Variants in CNTN6 observed in about 807,000 individuals in gnomAD.
The protein encoded by CNTN6 is contactin 6.
Under a neutral mutation model 122.8 loss-of-function variants are expected in CNTN6, and 137 were observed. The ratio of observed to expected loss-of-function variants is 1.12; its 90% CI spans 0.97 to 1.29. The LOEUF (loss-of-function observed/expected upper bound fraction) is 1.29. Ranked by LOEUF, CNTN6 falls within the 50% of genes most tolerant of loss-of-function variation. CNTN6 has a pLI of 0.00. For missense variants in CNTN6, 1,634 were observed against 1,223.4 expected, an observed-to-expected ratio of 1.34 and a Z score of -5.01; for synonymous variants, 570 against 426.0, an observed-to-expected ratio of 1.34 and a Z score of -4.16.
intron 2 of CNTN6, among the ~76,000 whole-genome samples, chr3:1,203,247 C>G (rs915537094): frequency 6.6e-6 from 1 of 152,090 alleles, no homozygotes; most frequent in African/African-American, 2.4e-5. Context: ...ACAAAAATAC[C>G]TGCCCCCATC....
chr3:1,312,518 C>T (rs939659193), intron 7 of CNTN6, among the ~76,000 whole-genome samples: 1 of 151,716 alleles, frequency 6.6e-6, no homozygotes, highest in African/African-American at 2.4e-5. Context: ...TTCCAGCTGA[C>T]CTTGGAGCCC....
At chr3:1,386,261 G>T (rs185354746) in intron 20 of CNTN6, among the ~76,000 whole-genome samples, 1 of 152,128 alleles carries the variant, frequency 6.6e-6, no homozygotes, top group African/African-American at 2.4e-5. Flanking sequence ...TCAGTAAATG[G>T]TTTTTTTGTT....
chr3:1,110,923 G>C (rs1490114876), intron 1 of CNTN6, among the ~76,000 whole-genome samples: 1 of 152,166 alleles, frequency 6.6e-6, no homozygotes, highest in Admixed American at 6.6e-5. Flanking sequence ...GAATTTTAGA[G>C]CCAGGCACAC....
At chr3:1,198,938 G>A (rs1162553908) in intron 2 of CNTN6, among the ~76,000 whole-genome samples, 1 of 152,084 alleles carries the variant, frequency 6.6e-6, no homozygotes, top group Non-Finnish European at 1.5e-5. Flanking sequence ...ATGTCTCTAT[G>A]AGAAAAGAAT....
At chr3:1,211,110 T>C (rs2094030980) in intron 2 of CNTN6, among the ~76,000 whole-genome samples, 1 of 152,210 alleles carries the variant, frequency 6.6e-6, no homozygotes, top group African/African-American at 2.4e-5. Context: ...TTGCAACATT[T>C]GTGCAAATTA....
chr3:1,156,759 G>T (rs746078688), intron 2 of CNTN6, among the ~76,000 whole-genome samples: 10 of 149,550 alleles, frequency 6.7e-5, no homozygotes, highest in Non-Finnish European at 1.2e-4. Flanking sequence ...TGTTGCCAAG[G>T]CTGAAGTGCA....
At chr3:1,178,574 G>T (rs1218196165) in intron 2 of CNTN6, among the ~76,000 whole-genome samples, 1 of 152,150 alleles carries the variant, frequency 6.6e-6, no homozygotes, top group Non-Finnish European at 1.5e-5. Context: ...TTCTGGTTCT[G>T]TTGATTGCTT....
chr3:1,232,534 T>C (rs932747856), intron 4 of CNTN6, among the ~76,000 whole-genome samples: 3 of 152,242 alleles, frequency 2.0e-5, no homozygotes, highest in South Asian at 2.1e-4. Flanking sequence ...AAACTCTTTA[T>C]GTAAATTAGC....
Position 1,099,328 on chromosome 3 carries a change from G to A in CNTN6, c.-83+6208G>A, listed in dbSNP as rs1052844233. 3.8e-4 allele frequency among the ~76,000 whole-genome samples: 57 copies of A among 151,946 alleles called. No individual in the cohort carries two copies. The South Asian group carries it at 8.9e-3, about 24-fold the overall frequency. On this transcript the variant is annotated intron_variant, in intron 1 of 22. Transcript: ENST00000446702. ...TAGCAGGGTGTGGTGGCGGGCGCCT[G>A]TAGTCCCAGCTACTGGGGAGGCTGA... is the stretch of plus-strand genomic sequence containing the variant.
intron 1 of CNTN6, among the ~76,000 whole-genome samples, chr3:1,133,054 C>T (rs1285714688): frequency 1.3e-5 from 2 of 151,990 alleles, no homozygotes; most frequent in African/African-American, 2.4e-5. Flanking sequence ...TATACAAGGA[C>T]ACATACACAA....
At chr3:1,125,961 A>G (rs1207846408) in intron 1 of CNTN6, among the ~76,000 whole-genome samples, 1 of 151,766 alleles carries the variant, frequency 6.6e-6, no homozygotes, top group Non-Finnish European at 1.5e-5. Flanking sequence ...TTTAGTTTGG[A>G]TTTATATTTC....
chr3:1,209,802 A>T (rs2094009191), intron 2 of CNTN6, among the ~76,000 whole-genome samples: 1 of 152,192 alleles, frequency 6.6e-6, no homozygotes, highest in African/African-American at 2.4e-5. Flanking sequence ...TCCTAATACA[A>T]GCATTCCTCT....
intron 19 of CNTN6, among the ~76,000 whole-genome samples, chr3:1,384,762 T>C (rs59046672): frequency 0.014 from 1,383 of 95,382 alleles, 36 homozygotes; most frequent in African/African-American, 0.065. Context: ...TATATATACA[T>C]ATATATACAC....
At chr3:1,285,963 G>A (rs982676570) in intron 5 of CNTN6, among the ~76,000 whole-genome samples, 1 of 152,096 alleles carries the variant, frequency 6.6e-6, no homozygotes, top group African/African-American at 2.4e-5. Flanking sequence ...TTCATAGCTG[G>A]CCAAAGTCAG....
chr3:1,361,168 C>T (rs528859213), intron 12 of CNTN6, among the ~76,000 whole-genome samples: 30 of 152,224 alleles, frequency 2.0e-4, no homozygotes, highest in African/African-American at 7.2e-4. Context: ...CGACCCCATC[C>T]GCTGCCTTGC....
chr3:1,131,127 C>T (rs989087089), intron 1 of CNTN6, among the ~76,000 whole-genome samples: 1 of 152,090 alleles, frequency 6.6e-6, no homozygotes, highest in African/African-American at 2.4e-5. Context: ...ATAAAAGTTC[C>T]TGACACTTAG....
At chr3:1,361,799 A>C (rs563865007) in intron 12 of CNTN6, among the ~76,000 whole-genome samples, 40 of 152,296 alleles carry the variant, frequency 2.6e-4, no homozygotes, top group African/African-American at 8.9e-4. Flanking sequence ...GACAACAGCC[A>C]AGGTGTTTGC....
rs750097513 is a variant in CNTN6, at chr3:1,321,852, C to T, written c.946+18C>T. On this transcript the variant is annotated intron_variant, in intron 8 of 22. Coordinates refer to ENST00000446702, the MANE Select transcript of CNTN6 (RefSeq NM_001289080.2). Reference sequence around the variant, plus strand: ...TTTTTATGGTGAGCTAATTGGATTTCAAATATATATAAAATATTTGGTAAT... The same window carrying T: ...TTTTTATGGTGAGCTAATTGGATTTTAAATATATATAAAATATTTGGTAAT... The T allele has an allele frequency of 6.4e-7, 1 of 1,573,550 alleles. No individual in the cohort carries two copies. Among genetic ancestry groups the T allele is most frequent in the East Asian group, 2.3e-5 (1 of 44,022 alleles).
chr3:1,106,286 G>A (rs1375931664), intron 1 of CNTN6, among the ~76,000 whole-genome samples: 3 of 152,084 alleles, frequency 2.0e-5, no homozygotes, highest in African/African-American at 7.2e-5. Context: ...TATATAACTT[G>A]CTTTTCCAGA....
Sources: gnomAD v4.1 joint callset for allele counts (sites outside exome capture counted in the v4.1 genomes callset) on GRCh38, gnomAD v4.1.1 for gene constraint, MANE v1.5 for transcripts, NCBI Gene and HGNC (gene_info 2026-07-23, HGNC 2026-07-21) for gene names.